Variants in NMRAL1 observed in about 807,000 individuals in gnomAD.
The protein encoded by NMRAL1 is NmrA like redox sensor 1, also known as nmrA-like family domain-containing protein 1.
Under a neutral mutation model 27.5 loss-of-function variants are expected in NMRAL1, and 32 were observed. That is an observed-to-expected ratio of 1.16 (90% CI 0.88 to 1.56). The LOEUF (loss-of-function observed/expected upper bound fraction) is 1.56. Ranked by LOEUF, NMRAL1 falls within the 40% of genes most tolerant of loss-of-function variation. The pLI, the probability that NMRAL1 is intolerant of heterozygous loss-of-function variation, is 0.00. For missense variants in NMRAL1, 420 were observed against 392.0 expected, an observed-to-expected ratio of 1.07 and a Z score of -0.60; for synonymous variants, 166 against 166.8, an observed-to-expected ratio of 1.00 and a Z score of 0.04.
intron 1 of NMRAL1, 164 bp downstream of exon 1, chr16:4,474,390 C>T: frequency 2.1e-6 from 1 of 481,014 alleles, no homozygotes; most frequent in East Asian, 3.6e-5. Flanking sequence ...CAGTCACCCG[C>T]CCCCCGGCCC....
Position 4,465,730 on chromosome 16 carries a change from C to A in NMRAL1, c.529+423G>T, listed in dbSNP as rs989823890. 2.6e-5 allele frequency among the ~76,000 whole-genome samples: 4 copies of A among 152,040 alleles called. No individual in the cohort carries two copies. The East Asian group carries it at 7.7e-4, about 29-fold the overall frequency. ...TACAGGTGGGTGGCACCACGCCCAG[C>A]TAATTTTTGTATTTTTAGTAGAGAT... On this transcript the variant is annotated intron_variant, in intron 4 of 5. Transcript: ENST00000283429.
Position 4,466,225 on chromosome 16 carries a change from G to A in NMRAL1, c.457C>T (p.Pro153Ser), listed in dbSNP as rs2057321023. 1 of 1,614,176 alleles carries A rather than the reference G, an allele frequency of 6.2e-7. No homozygotes were observed. Among genetic ancestry groups the A allele is most frequent in the Non-Finnish European group, 8.5e-7 (1 of 1,180,042 alleles). ...IGVPMTSVRLPCYFENLLSHF... is the reference protein window; with the variant it reads ...IGVPMTSVRLSCYFENLLSHF... ...GAGAGGAGGTTCTCAAAATAGCAGG[G>A]CAGCCGCACACTGGTCATGGGAACG... The change falls in exon 4 of 6, where the codon CCC (proline) becomes TCC (serine). Residue 153 changes from proline to serine, a missense_variant. Coordinates refer to ENST00000283429, the MANE Select transcript of NMRAL1 (RefSeq NM_020677.6).
At chr16:4,469,532 C>G in intron 2 of NMRAL1, 67 bp from the exon 3 acceptor site, 9 of 1,597,726 alleles carry the variant, frequency 5.6e-6, no homozygotes, top group South Asian at 5.5e-5. Flanking sequence ...GGCGAAACCC[C>G]GAAGGGAGTG....
chr16:4,461,836 C>T lies in NMRAL1; in HGVS notation c.844G>A (p.Ala282Thr), dbSNP rs543114262. Residue 282 changes from alanine (A) to threonine (T), a missense_variant, in exon 6 of 6, where the codon GCC becomes ACC. Ala to Thr is a moderately conservative substitution (Grantham distance 58). Transcript: ENST00000283429. ...IELTLRLNPK[A>T]LTLDQWLEQH... is the part of the protein sequence containing the mutation. ...TCCAGCCACTGGTCCAGCGTCAGGG[C>T]CTTGGGGTTGAGTCTCAGGGTCAGC... is the stretch of plus-strand genomic sequence containing the variant. 18 of 1,614,206 alleles carry T rather than the reference C, an allele frequency of 1.1e-5. No homozygotes were observed. In the South Asian group the frequency reaches 2.0e-4, roughly 18 times the overall value.
At chr16:4,466,537 G>GC in intron 3 of NMRAL1, 135 bp from the exon 4 acceptor site, 2 of 778,712 alleles carry the variant, frequency 2.6e-6, no homozygotes, top group East Asian at 2.6e-5. Flanking sequence ...CCTTGAGGAG[G>GC]CCCCCTCTCC....
At chr16:4,475,521 A>G (rs966511586), upstream of NMRAL1, among the ~76,000 whole-genome samples, 9 of 151,430 alleles carry the variant, frequency 5.9e-5, no homozygotes, top group African/African-American at 1.9e-4. Flanking sequence ...CATGCTGGCC[A>G]GGCTGGTCTC....
chr16:4,474,034 C>T, intron 2 of NMRAL1, 59 bp downstream of exon 2: 1 of 1,376,036 alleles, frequency 7.3e-7, no homozygotes, highest in South Asian at 1.2e-5. Flanking sequence ...CCAGGACGGG[C>T]GGTCTTCAGG....
At chr16:4,472,631 C>T (rs917529465) in intron 2 of NMRAL1, among the ~76,000 whole-genome samples, 10 of 151,524 alleles carry the variant, frequency 6.6e-5, no homozygotes, top group African/African-American at 2.4e-4. Context: ...GTAGTCCCTG[C>T]TACTCAGGAG....
intron 2 of NMRAL1, among the ~76,000 whole-genome samples, chr16:4,472,115 A>G (rs1307928916): frequency 2.6e-5 from 4 of 151,906 alleles, no homozygotes; most frequent in African/African-American, 9.7e-5. Flanking sequence ...AGCATTATTC[A>G]TAATAGCCAA....
upstream of NMRAL1, among the ~76,000 whole-genome samples, chr16:4,475,195 C>T (rs17881539): frequency 1.9e-3 from 294 of 151,822 alleles, no homozygotes; most frequent in African/African-American, 6.5e-3. Context: ...TAAAGTGATC[C>T]ACCCACCTCA....
intron 2 of NMRAL1, chr16:4,471,401 G>A (rs2057559019): frequency 6.6e-6 from 1 of 151,858 alleles, no homozygotes; most frequent in African/African-American, 2.4e-5. Context: ...CAGATCTCTT[G>A]AGCTCAGGAG....
intron 4 of NMRAL1, among the ~76,000 whole-genome samples, chr16:4,465,618 G>C (rs971899414): frequency 4.6e-5 from 7 of 152,154 alleles, no homozygotes; most frequent in African/African-American, 7.2e-5. Flanking sequence ...CTAGGCTAGA[G>C]TGCAGTGGCA....
At chr16:4,463,573 G>C (rs1461815171) in intron 5 of NMRAL1, 87 bp downstream of exon 5, 1 of 1,108,910 alleles carries the variant, frequency 9.0e-7, no homozygotes, top group Non-Finnish European at 1.3e-6. Context: ...ACTGCCCAGA[G>C]GTGTGGGCAG....
intron 2 of NMRAL1, chr16:4,471,475 T>G (rs1403359282): frequency 1.9e-4 from 28 of 150,850 alleles, no homozygotes. Context: ...AAAAATTAGC[T>G]GGGCGTGGTG....
intron 3 of NMRAL1, among the ~76,000 whole-genome samples, chr16:4,468,946 T>A (rs557270927): frequency 6.1e-4 from 85 of 139,402 alleles, no homozygotes; most frequent in African/African-American, 1.7e-3. Context: ...AAATTACTTT[T>A]TAAAAAAAAC....
chr16:4,464,433 C>T (rs905253558), intron 4 of NMRAL1, among the ~76,000 whole-genome samples: 2 of 152,072 alleles, frequency 1.3e-5, no homozygotes, highest in Non-Finnish European at 2.9e-5. Context: ...TCGCAAACTT[C>T]CAGGCTGAGG....
Position 4,466,156 on chromosome 16 carries a change from G to T in NMRAL1, c.526C>A (p.Leu176Met). 6.2e-7 allele frequency: 1 copy of T among 1,614,164 alleles called. No individual in the cohort carries two copies. Among genetic ancestry groups the T allele is most frequent in the Non-Finnish European group, 8.5e-7 (1 of 1,180,016 alleles). The change falls in exon 4 of 6, where the codon CTG becomes ATG. Residue 176 changes from leucine to methionine, a missense_variant. Physicochemically the swap from Leu to Met is conservative, Grantham distance 15. Coordinates refer to ENST00000283429, the MANE Select transcript of NMRAL1 (RefSeq NM_020677.6). The part of the protein sequence containing the change: ...QKAPDGKSYL[L>M]SLPTGDVPMD... ...GTGTGCGAGAAAGGGCACTTACTCA[G>T]CAAGTAGCTCTTTCCGTCTGGGGCT...
chr16:4,475,074 C>G (rs2057778900), upstream of NMRAL1, among the ~76,000 whole-genome samples: 1 of 151,940 alleles, frequency 6.6e-6, no homozygotes, highest in African/African-American at 2.4e-5. Context: ...GCCTCAGCCT[C>G]CCGAGTAGCT....
intron 2 of NMRAL1, among the ~76,000 whole-genome samples, chr16:4,473,420 G>A (rs2057676678): frequency 6.6e-6 from 1 of 151,944 alleles, no homozygotes; most frequent in African/African-American, 2.4e-5. Flanking sequence ...AGCTGTTAGA[G>A]ATATTAAATA....
Sources: allele counts gnomAD v4.1 joint callset (sites outside exome capture counted in the v4.1 genomes callset), GRCh38; gene constraint gnomAD v4.1.1; transcripts MANE v1.5; gene names NCBI Gene and HGNC (gene_info 2026-07-23, HGNC 2026-07-21).